The following CEP162 variants were observed in gnomAD, a reference collection of about 807,000 sequenced individuals.
CEP162 encodes centrosomal protein of 162 kDa.
CEP162 carries 141 observed loss-of-function variants against 169.2 expected under a neutral mutation model. That is an observed-to-expected ratio of 0.83 (90% CI 0.73 to 0.96). The LOEUF (loss-of-function observed/expected upper bound fraction) is 0.96. Among genes scored for constraint, CEP162 ranks in the 40% least tolerant of loss-of-function variants. CEP162 has a pLI of 0.00. For synonymous variants in CEP162, 540 were observed against 526.4 expected, an observed-to-expected ratio of 1.03 and a Z score of -0.35; for missense variants, 1,600 against 1,587.2, an observed-to-expected ratio of 1.01 and a Z score of -0.14.
At chr6:84,166,211 C>G (rs557871394) in intron 18 of CEP162, among the ~76,000 whole-genome samples, 1 of 152,278 alleles carries the variant, frequency 6.6e-6, no homozygotes, top group East Asian at 1.9e-4. Context: ...TGCAGACATT[C>G]AGAGAGGCCT....
At chr6:84,160,575 C>T (rs1345334544) in intron 21 of CEP162, among the ~76,000 whole-genome samples, 1 of 152,094 alleles carries the variant, frequency 6.6e-6, no homozygotes. Context: ...AGCTAGGGTA[C>T]CAAATAACCT....
intron 25 of CEP162, among the ~76,000 whole-genome samples, chr6:84,133,013 G>A (rs1057057057): frequency 6.6e-6 from 1 of 152,110 alleles, no homozygotes; most frequent in Admixed American, 6.6e-5. Flanking sequence ...GGTCTTTGAT[G>A]ATGGTGACCT....
At chr6:84,225,267 C>G (rs932550822) in intron 2 of CEP162, among the ~76,000 whole-genome samples, 1 of 152,140 alleles carries the variant, frequency 6.6e-6, no homozygotes, top group Non-Finnish European at 1.5e-5. Context: ...ATGGTATAGC[C>G]TACTCCACAC....
intron 23 of CEP162, 112 bp from the exon 24 acceptor site, chr6:84,149,815 G>T: frequency 2.4e-6 from 2 of 840,534 alleles, no homozygotes; most frequent in Non-Finnish European, 3.5e-6. Context: ...GGGAAAATGG[G>T]CACCAATATT....
At position 84,187,724 on chromosome 6, in the gene CEP162, C is replaced by T. The variant is rs572706422; in HGVS notation, c.1110-1101G>A. On this transcript the variant is annotated intron_variant, in intron 11 of 26. Transcript: ENST00000403245. ...GACGGCAGCCTATGTTTTACAGTGG[C>T]AAAACATTGCTAAACTGTCATCTAC... Among the ~76,000 whole-genome samples the T allele has an allele frequency of 3.9e-5, 6 of 152,218 alleles. No individual in the cohort carries two copies. In the East Asian group the frequency reaches 1.2e-3, roughly 29 times the overall value.
intron 13 of CEP162, among the ~76,000 whole-genome samples, chr6:84,184,856 C>T (rs182851257): frequency 1.3e-5 from 2 of 151,946 alleles, no homozygotes; most frequent in Admixed American, 1.3e-4. Flanking sequence ...CATCTCAAAA[C>T]TATCATTTCA....
chr6:84,186,211 TG>T, intron 12 of CEP162, 120 bp downstream of exon 12: 1 of 582,930 alleles, frequency 1.7e-6, no homozygotes, highest in Non-Finnish European at 3.0e-6. Flanking sequence ...AGATCTACTG[TG>T]GAGGTTAGTA....
intron 18 of CEP162, among the ~76,000 whole-genome samples, chr6:84,168,158 T>C (rs1229201885): frequency 6.6e-6 from 1 of 152,210 alleles, no homozygotes; most frequent in Non-Finnish European, 1.5e-5. Flanking sequence ...TTGGAACTAA[T>C]GCTAATGCTA....
At chr6:84,186,309 T>G (rs1250231962) in intron 12 of CEP162, 23 bp downstream of exon 12, 1 of 1,292,460 alleles carries the variant, frequency 7.7e-7, no homozygotes, top group East Asian at 2.3e-5. Context: ...ATCTCTCAAA[T>G]CAATTTGATG....
intron 13 of CEP162, among the ~76,000 whole-genome samples, chr6:84,183,122 C>G (rs560555698): frequency 6.6e-6 from 1 of 152,132 alleles, no homozygotes; most frequent in Non-Finnish European, 1.5e-5. Context: ...TATGGTCCAT[C>G]ATTATACTTT....
intron 13 of CEP162, among the ~76,000 whole-genome samples, chr6:84,183,517 G>A (rs1482026429): frequency 6.6e-6 from 1 of 151,828 alleles, no homozygotes; most frequent in Admixed American, 6.6e-5. Flanking sequence ...TCTTTGTTTT[G>A]CCACCTCACA....
At chr6:84,141,053 T>A (rs1486119068) in intron 25 of CEP162, among the ~76,000 whole-genome samples, 2 of 152,148 alleles carry the variant, frequency 1.3e-5, no homozygotes, top group South Asian at 2.1e-4. Flanking sequence ...CCTATGAGAA[T>A]CTAATGCCGC....
intron 1 of CEP162, 108 bp from the exon 2 acceptor site, chr6:84,226,560 T>A (rs1379262350): frequency 5.1e-6 from 3 of 594,012 alleles, no homozygotes; most frequent in Admixed American, 3.0e-5. Flanking sequence ...ATGCACAATT[T>A]TTTTTAACCA....
chr6:84,217,514 A>AAG (rs1366690245), intron 3 of CEP162, among the ~76,000 whole-genome samples: 1 of 152,168 alleles, frequency 6.6e-6, no homozygotes, highest in Non-Finnish European at 1.5e-5. Context: ...TGTGAATAGA[A>AAG]AGGAGGCCAG....
intron 25 of CEP162, among the ~76,000 whole-genome samples, chr6:84,141,534 C>T (rs1365969628): frequency 1.3e-5 from 2 of 152,146 alleles, no homozygotes; most frequent in Non-Finnish European, 2.9e-5. Context: ...TCCTCAAAAT[C>T]CAGTCTCAAC....
rs1257478238 is a variant in CEP162, at chr6:84,124,985, G to C, written c.*85C>G. Reference sequence around the variant, plus strand: ...TTTCTGGAAACATATTGGAACACTTGTTTTTCATAAGCTGTCCTGACAGTG... The same window carrying C: ...TTTCTGGAAACATATTGGAACACTTCTTTTTCATAAGCTGTCCTGACAGTG... On this transcript the variant is annotated 3_prime_UTR_variant, in exon 27 of 27. Transcript: ENST00000403245. 15 of 1,011,326 alleles carry C rather than the reference G, an allele frequency of 1.5e-5. No homozygotes were observed. In the Admixed American group the frequency reaches 2.1e-4, roughly 14 times the overall value. 62.6% of individuals were successfully genotyped at this position (1,011,326 alleles called of 1,614,324 possible).
At chr6:84,127,056 T>C (rs1345146576) in intron 25 of CEP162, among the ~76,000 whole-genome samples, 1 of 152,152 alleles carries the variant, frequency 6.6e-6, no homozygotes, top group Non-Finnish European at 1.5e-5. Context: ...GAGCCCTTTC[T>C]GTGTTGACTG....
chr6:84,187,548 T>C (rs1021131722), intron 11 of CEP162, among the ~76,000 whole-genome samples: 2 of 152,314 alleles, frequency 1.3e-5, no homozygotes, highest in Admixed American at 6.5e-5. Flanking sequence ...AACTAAACTA[T>C]ATTTCCTTGC....
intron 21 of CEP162, among the ~76,000 whole-genome samples, chr6:84,160,412 T>G (rs75100693): frequency 0.053 from 8,131 of 152,138 alleles, 265 homozygotes; most frequent in Admixed American, 0.09. Context: ...TATAGGGTGT[T>G]TTGTAACATT....
Sources: allele counts gnomAD v4.1 joint callset (sites outside exome capture counted in the v4.1 genomes callset), GRCh38; gene constraint gnomAD v4.1.1; transcripts MANE v1.5; gene names NCBI Gene and HGNC (gene_info 2026-07-23, HGNC 2026-07-21).